Variants in L3MBTL4 observed in about 807,000 individuals in gnomAD.
L3MBTL4 encodes the protein L3MBTL histone methyl-lysine binding protein 4.
In L3MBTL4, 70 loss-of-function variants were observed where a neutral mutation model predicts 84.5. That is an observed-to-expected ratio of 0.83 (90% confidence interval 0.68 to 1.01). L3MBTL4 has a LOEUF of 1.01. Ranked by LOEUF, L3MBTL4 falls within the 50% of genes least tolerant of loss-of-function variation. L3MBTL4 has a pLI of 0.00. For synonymous variants in L3MBTL4, 274 were observed against 259.8 expected (o/e 1.05, Z -0.52); for missense variants, 715 against 754.8 (o/e 0.95, Z 0.62).
chr18:6,030,616 A>C (rs2055746630), intron 16 of L3MBTL4: 1 of 793,972 alleles, frequency 1.3e-6, no homozygotes, highest in Non-Finnish European at 1.5e-6. Context: ...CTCTCGCCTC[A>C]GCTTCCTGAG....
intron 13 of L3MBTL4, among the ~76,000 whole-genome samples, chr18:6,147,033 A>G (rs956846058): frequency 1.3e-5 from 2 of 152,170 alleles, no homozygotes; most frequent in Non-Finnish European, 2.9e-5. Context: ...TTGAGAATGC[A>G]GCAGTGGAGC....
chr18:6,305,386 T>G lies in L3MBTL4; in HGVS notation c.73-3429A>C, dbSNP rs535747857. On this transcript the variant is annotated intron_variant, in intron 3 of 18. Transcript: ENST00000317931. ...AATGTTCTCCAAAGTTCCTGCTAGC[T>G]TTAACATTCTTTCTTCTGTCTAGCT... Among the ~76,000 whole-genome samples the G allele has an allele frequency of 2.0e-5, 3 of 152,306 alleles. No homozygotes were observed. The East Asian group carries it at 5.8e-4, about 29-fold the overall frequency.
intron 16 of L3MBTL4, among the ~76,000 whole-genome samples, chr18:6,040,018 A>G (rs3927781): frequency 0.19 from 29,288 of 152,190 alleles, 3,145 homozygotes; most frequent in Middle Eastern, 0.35. Context: ...AACTTTTTTC[A>G]TTCTCTCCCT....
intron 16 of L3MBTL4, among the ~76,000 whole-genome samples, chr18:5,983,768 T>A (rs1352711304): frequency 6.6e-6 from 1 of 152,144 alleles, no homozygotes; most frequent in African/African-American, 2.4e-5. Flanking sequence ...ACTTCCCAAA[T>A]AGCCCAGGAC....
intron 16 of L3MBTL4, among the ~76,000 whole-genome samples, chr18:6,043,595 G>C (rs908051187): frequency 9.2e-5 from 14 of 152,110 alleles, no homozygotes; most frequent in African/African-American, 3.4e-4. Context: ...CTTCATTATA[G>C]CACTGCCACA....
intron 16 of L3MBTL4, among the ~76,000 whole-genome samples, chr18:6,005,889 T>C (rs892910394): frequency 2.6e-5 from 4 of 152,190 alleles, no homozygotes; most frequent in Non-Finnish European, 4.4e-5. Context: ...GTAATTATGT[T>C]TTAAGCTCTT....
intron 4 of L3MBTL4, among the ~76,000 whole-genome samples, chr18:6,295,537 GA>G (rs1423034032): frequency 6.6e-6 from 1 of 151,826 alleles, no homozygotes; most frequent in African/African-American, 2.4e-5. Context: ...GAATCCTACG[GA>G]GGGGGGCCCT....
At chr18:6,104,658 A>G (rs928300277) in intron 14 of L3MBTL4, among the ~76,000 whole-genome samples, 1 of 152,198 alleles carries the variant, frequency 6.6e-6, no homozygotes. Flanking sequence ...GCTGTATAAC[A>G]TTGTGCCTAT....
intron 16 of L3MBTL4, among the ~76,000 whole-genome samples, chr18:6,064,785 T>A (rs992899089): frequency 1.3e-5 from 2 of 152,038 alleles, no homozygotes; most frequent in African/African-American, 2.4e-5. Flanking sequence ...TATTATCATA[T>A]CATTGATGAA....
At chr18:6,201,896 T>C (rs1307834440) in intron 12 of L3MBTL4, among the ~76,000 whole-genome samples, 1 of 152,178 alleles carries the variant, frequency 6.6e-6, no homozygotes, top group Non-Finnish European at 1.5e-5. Flanking sequence ...CAAAAAAGTG[T>C]GGAATAAGAT....
intron 14 of L3MBTL4, among the ~76,000 whole-genome samples, chr18:6,123,660 G>A (rs1436747054): frequency 6.6e-6 from 1 of 152,136 alleles, no homozygotes; most frequent in East Asian, 1.9e-4. Flanking sequence ...AGCAGCGTGA[G>A]AACAGATTAA....
chr18:6,163,565 G>A (rs1008037463), intron 13 of L3MBTL4, among the ~76,000 whole-genome samples: 1 of 152,022 alleles, frequency 6.6e-6, no homozygotes, highest in African/African-American at 2.4e-5. Flanking sequence ...ACCAAAGACA[G>A]CCAATTACAA....
chr18:6,371,928 G>C (rs74568977), intron 1 of L3MBTL4, among the ~76,000 whole-genome samples: 1 of 152,166 alleles, frequency 6.6e-6, no homozygotes, highest in African/African-American at 2.4e-5. Context: ...CTACCTTGAC[G>C]CAATGAACAC....
Position 6,158,283 on chromosome 18 carries a change from A to G in L3MBTL4, c.1096+13545T>C, listed in dbSNP as rs150777596. Among the ~76,000 whole-genome samples, 205 of 152,334 alleles carry G rather than the reference A, an allele frequency of 1.3e-3. 1 individual carries two copies. Among genetic ancestry groups the G allele is most frequent in the African/African-American group, 4.5e-3 (186 of 41,564 alleles). On this transcript the variant is annotated intron_variant, in intron 13 of 18. Transcript: ENST00000317931. ...CACTGCGGAGATAAGGAAGTGGTCAAATGAAAAATAATAGTGATTGCTATT... is the reference window on the plus strand; with the variant it reads ...CACTGCGGAGATAAGGAAGTGGTCAGATGAAAAATAATAGTGATTGCTATT...
At chr18:5,968,590 A>C (rs1197571787) in intron 17 of L3MBTL4, among the ~76,000 whole-genome samples, 1 of 152,030 alleles carries the variant, frequency 6.6e-6, no homozygotes, top group Non-Finnish European at 1.5e-5. Flanking sequence ...CTAGCTACTC[A>C]GGAGGTTGAA....
chr18:5,998,830 T>C (rs1162883367), intron 16 of L3MBTL4, among the ~76,000 whole-genome samples: 2 of 152,218 alleles, frequency 1.3e-5, no homozygotes, highest in African/African-American at 4.8e-5. Flanking sequence ...GTCAGCAGCC[T>C]GGCCAGCTGC....
intron 1 of L3MBTL4, among the ~76,000 whole-genome samples, chr18:6,401,296 G>A (rs1301413193): frequency 5.9e-5 from 9 of 152,066 alleles, no homozygotes; most frequent in Non-Finnish European, 1.0e-4. Context: ...TATAAGCACC[G>A]TTTATAGATA....
intron 12 of L3MBTL4, among the ~76,000 whole-genome samples, chr18:6,188,301 T>G (rs1428098827): frequency 6.7e-6 from 1 of 150,088 alleles, no homozygotes; most frequent in East Asian, 1.9e-4. Flanking sequence ...ATATAAAAAT[T>G]TATATATACT....
chr18:6,010,474 A>G (rs1347474891), intron 16 of L3MBTL4, among the ~76,000 whole-genome samples: 1 of 152,178 alleles, frequency 6.6e-6, no homozygotes, highest in Non-Finnish European at 1.5e-5. Flanking sequence ...ACTGGAAAGG[A>G]GCCTCCCCAC....
Sources: allele counts gnomAD v4.1 joint callset (sites outside exome capture counted in the v4.1 genomes callset), GRCh38; gene constraint gnomAD v4.1.1; transcripts MANE v1.5; gene names NCBI Gene and HGNC (gene_info 2026-07-23, HGNC 2026-07-21).